The following PTPRD variants were observed in gnomAD, a reference collection of about 807,000 sequenced individuals.
PTPRD encodes the protein receptor-type tyrosine-protein phosphatase delta.
Under a neutral mutation model 214.5 loss-of-function variants are expected in PTPRD, and 34 were observed. The observed-to-expected ratio is 0.16, with a 90% confidence interval of 0.12 to 0.21. The LOEUF is 0.21. Ranked by LOEUF, PTPRD falls within the 10% of genes least tolerant of loss-of-function variation. The pLI, the probability that PTPRD is intolerant of heterozygous loss-of-function variation, is 1.00. For missense variants in PTPRD, 2,545 were observed against 2,398.7 expected (o/e 1.06, Z -1.27); for synonymous variants, 1,128 against 845.7 (o/e 1.33, Z -5.79).
intron 11 of PTPRD, among the ~76,000 whole-genome samples, chr9:8,804,511 T>C (rs544777845): frequency 6.6e-6 from 1 of 152,070 alleles, no homozygotes; most frequent in African/African-American, 2.4e-5. Context: ...GACGGGAGGA[T>C]TGCTGGGCAC....
chr9:9,068,261 C>A (rs572008531), intron 10 of PTPRD, among the ~76,000 whole-genome samples: 35 of 152,240 alleles, frequency 2.3e-4, no homozygotes, highest in African/African-American at 7.9e-4. Context: ...AAGTGGACAT[C>A]TGGGCTGCTT....
In PTPRD at chr9:10,300,518, G is replaced by A. The variant is rs544171040; in HGVS notation, c.-545+40445C>T. On this transcript the variant is annotated intron_variant, in intron 3 of 45. Coordinates refer to ENST00000381196, the MANE Select transcript of PTPRD (RefSeq NM_002839.4). ...GCCCAGCAAGCTAAGATCCTGGCTT[G>A]AAATTCTCACTGCCAGCACAGAAGT... is the stretch of plus-strand genomic sequence containing the variant. Among the ~76,000 whole-genome samples, 3 of 152,328 alleles carry A rather than the reference G, an allele frequency of 2.0e-5. No homozygotes were observed. The South Asian group carries it at 6.2e-4, about 32-fold the overall frequency.
intron 4 of PTPRD, among the ~76,000 whole-genome samples, chr9:9,980,204 C>G (rs986639267): frequency 7.9e-5 from 12 of 151,820 alleles, no homozygotes; most frequent in Non-Finnish European, 1.6e-4. Context: ...TAACAGATTA[C>G]CGTAGTAGAA....
intron 12 of PTPRD, among the ~76,000 whole-genome samples, 185 bp downstream of exon 12, chr9:8,733,595 G>T (rs2098684406): frequency 1.3e-5 from 2 of 152,164 alleles, no homozygotes; most frequent in Admixed American, 1.3e-4. Flanking sequence ...AAACGGAGAG[G>T]AAATGGTGAG....
intron 2 of PTPRD, among the ~76,000 whole-genome samples, chr9:10,434,703 C>T (rs192021582): frequency 1.3e-5 from 2 of 152,006 alleles, no homozygotes; most frequent in East Asian, 3.9e-4. Flanking sequence ...TAAACACTTG[C>T]CCACACTGTT....
chr9:8,959,206 T>C (rs2099146638), intron 11 of PTPRD, among the ~76,000 whole-genome samples: 1 of 152,016 alleles, frequency 6.6e-6, no homozygotes, highest in Non-Finnish European at 1.5e-5. Context: ...CAGTGAAAGA[T>C]GGCAGAAGAT....
chr9:9,472,296 C>T (rs931440214), intron 8 of PTPRD, among the ~76,000 whole-genome samples: 25 of 150,526 alleles, frequency 1.7e-4, no homozygotes, highest in Non-Finnish European at 2.7e-4. Flanking sequence ...CTCCGCTTCC[C>T]GGGTTCACGC....
At position 10,069,623 on chromosome 9, in the gene PTPRD, A is replaced by T. The variant is rs533804249; in HGVS notation, c.-544-35833T>A. 4.3e-4 allele frequency among the ~76,000 whole-genome samples: 66 copies of T among 152,212 alleles called. 1 individual carries two copies. In the East Asian group the frequency reaches 0.012, roughly 28 times the overall value. On this transcript the variant is annotated intron_variant, in intron 3 of 45. Transcript: ENST00000381196. Reference sequence around the variant, plus strand: ...TTGATCAGTTAGCTTAACACTCAACATAATTAGCCACTGAGACTTGACTTT... The same window carrying T: ...TTGATCAGTTAGCTTAACACTCAACTTAATTAGCCACTGAGACTTGACTTT...
At chr9:9,878,175 G>A (rs547525084) in intron 5 of PTPRD, among the ~76,000 whole-genome samples, 1 of 152,124 alleles carries the variant, frequency 6.6e-6, no homozygotes, top group African/African-American at 2.4e-5. Context: ...TAATTTTATT[G>A]AAATATACTT....
In PTPRD at chr9:8,892,719, A is replaced by G. The variant is rs146909224; in HGVS notation, c.-104+125978T>C. On this transcript the variant is annotated intron_variant, in intron 11 of 45. Coordinates refer to ENST00000381196, the MANE Select transcript of PTPRD (RefSeq NM_002839.4). ...TATATATATGTGTGCGTATATGTGT[A>G]TATATATATATATGTATGTATATAT... Among the ~76,000 whole-genome samples the G allele has an allele frequency of 5.5e-3, 588 of 106,116 alleles. 2 individuals carry two copies. Among genetic ancestry groups the G allele is most frequent in the Non-Finnish European group, 7.3e-3 (393 of 53,642 alleles). The allele number at this position is 106,116 out of a possible 152,430, so 69.6% of individuals were successfully genotyped here.
At chr9:8,649,906 T>C (rs1479344575) in intron 12 of PTPRD, among the ~76,000 whole-genome samples, 1 of 152,118 alleles carries the variant, frequency 6.6e-6, no homozygotes, top group Admixed American at 6.6e-5. Flanking sequence ...TAAGGGCTAT[T>C]TTTTTAATGT....
intron 5 of PTPRD, among the ~76,000 whole-genome samples, chr9:9,797,045 A>G (rs1230646329): frequency 6.6e-6 from 1 of 152,166 alleles, no homozygotes; most frequent in Admixed American, 6.5e-5. Flanking sequence ...AGTAGATGGG[A>G]TATCTGAGAG....
chr9:9,946,632 T>C (rs748033772), intron 4 of PTPRD, among the ~76,000 whole-genome samples: 2 of 151,408 alleles, frequency 1.3e-5, no homozygotes, highest in African/African-American at 2.4e-5. Context: ...AGACCACTGC[T>C]CCCCCAACCC....
intron 8 of PTPRD, among the ~76,000 whole-genome samples, chr9:9,458,429 G>A (rs1199627975): frequency 1.3e-5 from 2 of 152,060 alleles, no homozygotes; most frequent in East Asian, 3.9e-4. Context: ...GTTTTGATAG[G>A]TTGATTTAAG....
At chr9:9,344,311 C>T (rs773389227) in intron 9 of PTPRD, among the ~76,000 whole-genome samples, 1 of 151,728 alleles carries the variant, frequency 6.6e-6, no homozygotes, top group Admixed American at 6.6e-5. Flanking sequence ...GGGCATCACA[C>T]ACTGAGGCCT....
intron 5 of PTPRD, among the ~76,000 whole-genome samples, chr9:9,833,681 A>AG (rs1189927420): frequency 1.0e-5 from 1 of 98,676 alleles, no homozygotes; most frequent in Non-Finnish European, 1.9e-5. Flanking sequence ...TACGCTCCGG[A>AG]GAGGGGGGCA....
intron 5 of PTPRD, among the ~76,000 whole-genome samples, chr9:9,853,465 G>C (rs915020806): frequency 5.9e-5 from 9 of 152,132 alleles, no homozygotes; most frequent in Non-Finnish European, 1.5e-5. Context: ...CTAATGCCTA[G>C]CTCTACAGTG....
chr9:8,459,551 A>T (rs559820864), intron 33 of PTPRD, among the ~76,000 whole-genome samples: 1 of 152,204 alleles, frequency 6.6e-6, no homozygotes, highest in East Asian at 1.9e-4. Flanking sequence ...TTAAGACAGA[A>T]AGAATTTATA....
chr9:9,109,613 C>T (rs16928955), intron 10 of PTPRD, among the ~76,000 whole-genome samples: 1 of 151,912 alleles, frequency 6.6e-6, no homozygotes, highest in African/African-American at 2.4e-5. Context: ...GAGAAGAGAG[C>T]CACAAAGAGC....
Sources: gnomAD v4.1 joint callset for allele counts (sites outside exome capture counted in the v4.1 genomes callset) on GRCh38, gnomAD v4.1.1 for gene constraint, MANE v1.5 for transcripts, NCBI Gene and HGNC (gene_info 2026-07-23, HGNC 2026-07-21) for gene names.